The following SPATA6 variants were observed in gnomAD, a reference collection of about 807,000 sequenced individuals.
SPATA6 encodes spermatogenesis-associated protein 6.
A neutral mutation model predicts 65.3 loss-of-function variants in SPATA6; 56 were observed. That is an observed-to-expected ratio of 0.86 (90% CI 0.69 to 1.07). The LOEUF (loss-of-function observed/expected upper bound fraction) is 1.07, where lower values mean the gene tolerates loss of function less well. Ranked by LOEUF, SPATA6 falls within the 50% of genes least tolerant of loss-of-function variation. The pLI is 0.00. For synonymous variants in SPATA6, 199 were observed against 213.2 expected, an observed-to-expected ratio of 0.93 and a Z score of 0.58; for missense variants, 590 against 594.8, an observed-to-expected ratio of 0.99 and a Z score of 0.08.
At chr1:48,294,081 T>C (rs1269990372), downstream of SPATA6, among the ~76,000 whole-genome samples, 1 of 152,152 alleles carries the variant, frequency 6.6e-6, no homozygotes, top group African/African-American at 2.4e-5. Flanking sequence ...AGAAGGAGGA[T>C]TTCTTTCTTA....
At chr1:48,450,226 A>G (rs1656438282) in intron 3 of SPATA6, among the ~76,000 whole-genome samples, 1 of 152,032 alleles carries the variant, frequency 6.6e-6, no homozygotes, top group Non-Finnish European at 1.5e-5. Flanking sequence ...AAGTATAAAA[A>G]GAGATCAGAG....
intron 8 of SPATA6, among the ~76,000 whole-genome samples, chr1:48,390,551 G>T (rs566462450): frequency 6.6e-6 from 1 of 152,122 alleles, no homozygotes; most frequent in Non-Finnish European, 1.5e-5. Context: ...AAAGTAGCTG[G>T]AAGACAGGAC....
chr1:48,329,982 C>T (rs977133054), intron 11 of SPATA6, among the ~76,000 whole-genome samples: 18 of 152,310 alleles, frequency 1.2e-4, no homozygotes, highest in Admixed American at 1.0e-3. Context: ...AGAGGACTGC[C>T]ACAAGCCTTG....
At chr1:48,451,788 G>A (rs896653427) in intron 2 of SPATA6, among the ~76,000 whole-genome samples, 188 bp from the exon 3 acceptor site, 3 of 151,882 alleles carry the variant, frequency 2.0e-5, no homozygotes, top group South Asian at 2.1e-4. Flanking sequence ...TGCTGCCTCC[G>A]TCTCCAACTT....
At chr1:48,276,613 G>A in the SPATA6 span, among the ~76,000 whole-genome samples, 1 of 152,136 alleles carries the variant, frequency 6.6e-6, no homozygotes, top group Non-Finnish European at 1.5e-5. Flanking sequence ...TCAGGAGTAG[G>A]TTTTTCAGTT....
At chr1:48,357,404 T>C (rs1490217977) in intron 10 of SPATA6, among the ~76,000 whole-genome samples, 1 of 152,112 alleles carries the variant, frequency 6.6e-6, no homozygotes, top group African/African-American at 2.4e-5. Flanking sequence ...AATAAAGCAA[T>C]TCATTTGATT....
chr1:48,463,719 A>G (rs1657610826), intron 1 of SPATA6, among the ~76,000 whole-genome samples: 1 of 152,182 alleles, frequency 6.6e-6, no homozygotes, highest in Non-Finnish European at 1.5e-5. Flanking sequence ...TGTTCATTAA[A>G]TGTTACTCTA....
chr1:48,366,685 T>G (rs1647026712), intron 9 of SPATA6, among the ~76,000 whole-genome samples: 1 of 152,222 alleles, frequency 6.6e-6, no homozygotes, highest in Non-Finnish European at 1.5e-5. Context: ...TTCTTCTCTC[T>G]TTTCTTCTTT....
intron 3 of SPATA6, among the ~76,000 whole-genome samples, chr1:48,428,471 T>C (rs1181928315): frequency 6.6e-6 from 1 of 151,996 alleles, no homozygotes; most frequent in East Asian, 1.9e-4. Context: ...AATAATAACA[T>C]AAAAACATAG....
At chr1:48,379,239 A>G (rs1410151630) in intron 9 of SPATA6, among the ~76,000 whole-genome samples, 1 of 152,194 alleles carries the variant, frequency 6.6e-6, no homozygotes, top group Admixed American at 6.5e-5. Flanking sequence ...TCAAACCATC[A>G]GAACTCGTGA....
chr1:48,312,962 A>G (rs563757035), intron 11 of SPATA6, among the ~76,000 whole-genome samples: 27 of 152,340 alleles, frequency 1.8e-4, no homozygotes, highest in African/African-American at 5.8e-4. Flanking sequence ...GGAAGATCAA[A>G]TGAATGACAT....
chr1:48,300,048 A>T (rs1184515328), intron 12 of SPATA6, among the ~76,000 whole-genome samples: 1 of 152,182 alleles, frequency 6.6e-6, no homozygotes, highest in East Asian at 1.9e-4. Flanking sequence ...CATGCAAGAG[A>T]GCACGCATGT....
chr1:48,347,069 T>C lies in SPATA6; in HGVS notation c.1194+8601A>G, dbSNP rs1485551555. 2.0e-5 allele frequency among the ~76,000 whole-genome samples: 3 copies of C among 151,906 alleles called. No homozygotes were observed. The East Asian group carries it at 5.8e-4, about 29-fold the overall frequency. ...CATGCTACACAACTTCAAACTATAC[T>C]ACAGGGCTACACTAACCAAAATAGC... is the stretch of plus-strand genomic sequence containing the variant. On this transcript the variant is annotated intron_variant, in intron 11 of 12. Transcript: ENST00000371847.
Position 48,472,011 on chromosome 1 carries a change from G to A in SPATA6, c.-3C>T, listed in dbSNP as rs914608856. On this transcript the variant is annotated 5_prime_UTR_variant, in exon 1 of 13. The change creates a new upstream start codon in the 5' untranslated region. Transcript: ENST00000371847. ...TGCAGCGCCTTCACCTTCGGCATCC[G>A]TGCGGGGAGGGGCGGCGGGGAGTGA... is the stretch of plus-strand genomic sequence containing the variant. 6.4e-6 allele frequency: 10 copies of A among 1,557,992 alleles called. No homozygotes were observed. Among genetic ancestry groups the A allele is most frequent in the Non-Finnish European group, 8.6e-6 (10 of 1,156,342 alleles).
At chr1:48,471,075 G>A (rs1199733598) in intron 1 of SPATA6, among the ~76,000 whole-genome samples, 2 of 152,138 alleles carry the variant, frequency 1.3e-5, no homozygotes, top group South Asian at 2.1e-4. Flanking sequence ...GAATGCAGGG[G>A]AAGAAGTTCA....
chr1:48,411,673 C>A, intron 4 of SPATA6, 85 bp from the exon 5 acceptor site: 1 of 1,162,510 alleles, frequency 8.6e-7, no homozygotes, highest in South Asian at 3.5e-5. Flanking sequence ...TATCTACTGC[C>A]TGATGCCTTA....
At chr1:48,424,084 G>A (rs372046342) in intron 3 of SPATA6, among the ~76,000 whole-genome samples, 1 of 151,992 alleles carries the variant, frequency 6.6e-6, no homozygotes, top group East Asian at 1.9e-4. Flanking sequence ...TCAAATAGTA[G>A]GTCTTATTCA....
chr1:48,400,166 C>A (rs1244843139), intron 6 of SPATA6, among the ~76,000 whole-genome samples: 1 of 151,730 alleles, frequency 6.6e-6, no homozygotes, highest in Non-Finnish European at 1.5e-5. Flanking sequence ...GAACTCTATA[C>A]ATATTTTAAT....
chr1:48,343,718 A>G (rs1324870842), intron 11 of SPATA6, among the ~76,000 whole-genome samples: 3 of 152,196 alleles, frequency 2.0e-5, no homozygotes, highest in East Asian at 3.8e-4. Flanking sequence ...CTTATGCCAC[A>G]GAAGTCGTAT....
Sources: gnomAD v4.1 joint callset for allele counts (sites outside exome capture counted in the v4.1 genomes callset) on GRCh38, gnomAD v4.1.1 for gene constraint, MANE v1.5 for transcripts, NCBI Gene and HGNC (gene_info 2026-07-23, HGNC 2026-07-21) for gene names.